XPO4: variants seen among roughly 807,000 people sequenced by gnomAD.
XPO4 encodes exportin 4.
A neutral mutation model predicts 143.0 loss-of-function variants in XPO4; 39 were observed. That is an observed-to-expected ratio of 0.27 (90% CI 0.21 to 0.36). The LOEUF (loss-of-function observed/expected upper bound fraction) is 0.36, where lower values mean the gene tolerates loss of function less well. XPO4 is among the 10% of genes least tolerant of loss of function. The probability of loss-of-function intolerance (pLI) is 1.00; values close to 1 mark genes in which losing one functional copy is unlikely to be tolerated. For missense variants in XPO4, 907 were observed against 1,348.0 expected (o/e 0.67, Z 5.12); for synonymous variants, 439 against 474.0 (o/e 0.93, Z 0.96).
intron 4 of XPO4, 36 bp downstream of exon 4, chr13:20,855,591 A>AT (rs1315728783): frequency 1.4e-6 from 2 of 1,462,504 alleles, no homozygotes; most frequent in East Asian, 5.1e-5. Flanking sequence ...GAAAATATAA[A>AT]TTGTTAATAT....
chr13:20,836,654 T>C (rs1276432678), intron 6 of XPO4, among the ~76,000 whole-genome samples: 51 of 152,210 alleles, frequency 3.4e-4, no homozygotes, highest in Non-Finnish European at 4.4e-5. Context: ...ATGATGGGTA[T>C]TTTTAAAGGC....
intron 6 of XPO4, among the ~76,000 whole-genome samples, chr13:20,842,020 CA>C (rs2059979788): frequency 6.6e-6 from 1 of 152,042 alleles, no homozygotes; most frequent in Non-Finnish European, 1.5e-5. Context: ...CTATTTAATT[CA>C]CGGAGGCTAT....
chr13:20,838,752 G>A (rs2059944289), intron 6 of XPO4, among the ~76,000 whole-genome samples: 1 of 151,960 alleles, frequency 6.6e-6, no homozygotes, highest in Non-Finnish European at 1.5e-5. Flanking sequence ...CTCCCAAAGA[G>A]AAATGAAACC....
chr13:20,892,335 G>A (rs917392793), intron 1 of XPO4, among the ~76,000 whole-genome samples: 2 of 152,154 alleles, frequency 1.3e-5, no homozygotes, highest in Non-Finnish European at 2.9e-5. Context: ...TGATCCACCC[G>A]CTTCAGCCTC....
intron 6 of XPO4, among the ~76,000 whole-genome samples, 178 bp from the exon 7 acceptor site, chr13:20,827,357 G>T (rs1462748202): frequency 6.6e-6 from 1 of 152,068 alleles, no homozygotes; most frequent in Non-Finnish European, 1.5e-5. Context: ...TAAGTGCCTG[G>T]GGAAAAAAAG....
chr13:20,879,048 A>G, intron 1 of XPO4: 1 of 947,702 alleles, frequency 1.1e-6, no homozygotes, highest in Non-Finnish European at 1.3e-6. Context: ...TCAAAAGCTA[A>G]AACAGAAGCG....
intron 4 of XPO4, chr13:20,848,509 G>A (rs1595127467): frequency 1.0e-6 from 1 of 985,290 alleles, no homozygotes; most frequent in Non-Finnish European, 1.2e-6. Flanking sequence ...GTTACAAGAA[G>A]GTAAAGTAGC....
At chr13:20,901,711 C>T (rs73437502) in intron 1 of XPO4, among the ~76,000 whole-genome samples, 5,764 of 152,124 alleles carry the variant, frequency 0.038, 376 homozygotes, top group African/African-American at 0.13. Flanking sequence ...GCTCAAACAC[C>T]CTAACACCAA....
chr13:20,842,806 G>A (rs2762995), intron 6 of XPO4, 89 bp downstream of exon 6: 1,192,302 of 1,194,124 alleles, frequency 1, 595,270 homozygotes, highest in East Asian at 1. Flanking sequence ...TATGTTTTAT[G>A]AAAGCTGCAG....
At chr13:20,810,817 A>G (rs2059572706) in intron 9 of XPO4, among the ~76,000 whole-genome samples, 1 of 152,238 alleles carries the variant, frequency 6.6e-6, no homozygotes, top group African/African-American at 2.4e-5. Context: ...AGATAGTCTC[A>G]GTGAAATTGT....
chr13:20,876,189 A>C (rs2060350311), intron 1 of XPO4, among the ~76,000 whole-genome samples: 1 of 150,760 alleles, frequency 6.6e-6, no homozygotes, highest in Non-Finnish European at 1.5e-5. Flanking sequence ...TTGAATCCGG[A>C]AGGCAGAGGT....
At chr13:20,900,617 C>T (rs1027940771) in intron 1 of XPO4, among the ~76,000 whole-genome samples, 20 of 144,598 alleles carry the variant, frequency 1.4e-4, no homozygotes, top group African/African-American at 4.8e-4. Flanking sequence ...AAGTCATTTC[C>T]TTTTTTTTTT....
chr13:20,874,626 C>T (rs964617858), intron 1 of XPO4, among the ~76,000 whole-genome samples: 4 of 152,162 alleles, frequency 2.6e-5, no homozygotes, highest in Non-Finnish European at 4.4e-5. Context: ...CAGGATAACA[C>T]GGCTAGAAGG....
chr13:20,792,170 AT>A (rs1332982773), intron 18 of XPO4, among the ~76,000 whole-genome samples: 1 of 152,180 alleles, frequency 6.6e-6, no homozygotes, highest in Non-Finnish European at 1.5e-5. Flanking sequence ...ACGTTAAAGA[AT>A]GTCAAGGCCA....
At chr13:20,811,683 G>T (rs2059584014) in intron 9 of XPO4, among the ~76,000 whole-genome samples, 1 of 152,066 alleles carries the variant, frequency 6.6e-6, no homozygotes, top group Non-Finnish European at 1.5e-5. Flanking sequence ...AGCCAAACTG[G>T]GTACAGATTT....
At chr13:20,859,295 T>C (rs569304924) in intron 3 of XPO4, among the ~76,000 whole-genome samples, 5 of 151,066 alleles carry the variant, frequency 3.3e-5, no homozygotes, top group Non-Finnish European at 7.4e-5. Context: ...GCTGAAACCA[T>C]CTCTACTAAA....
chr13:20,792,097 C>T (rs1163203841), intron 18 of XPO4, among the ~76,000 whole-genome samples: 2 of 152,156 alleles, frequency 1.3e-5, no homozygotes, highest in Non-Finnish European at 2.9e-5. Context: ...ATCATGGGCT[C>T]CAAGAGGGCT....
rs57331137 is a variant in XPO4, at chr13:20,785,976, G to GAGGAAGGAAGGAAGGA, written c.3258+973_3258+988dup. 3.5e-3 allele frequency among the ~76,000 whole-genome samples: 492 copies of GAGGAAGGAAGGAAGGA among 142,024 alleles called. 2 individuals are homozygous for GAGGAAGGAAGGAAGGA. Among genetic ancestry groups the GAGGAAGGAAGGAAGGA allele is most frequent in the African/African-American group, 0.012 (458 of 37,958 alleles). 93.2% of individuals were successfully genotyped at this position (142,024 alleles called of 152,430 possible). A position where few individuals can be genotyped will look rare whatever the true frequency, so the allele number is the denominator to read the frequency against. ...AGATAGAAAAAAGAAAAGAAAAAGA[G>GAGGAAGGAAGGAAGGA]AGGAAGGAAGGAAGGAAGGAAGGAA... is the stretch of plus-strand genomic sequence containing the variant. On this transcript the variant is annotated intron_variant, in intron 22 of 22. Coordinates refer to ENST00000255305, the MANE Select transcript of XPO4 (RefSeq NM_022459.5).
Position 20,809,955 on chromosome 13 carries a change from C to A in XPO4, c.1186G>T (p.Asp396Tyr). 6.2e-7 allele frequency: 1 copy of A among 1,604,068 alleles called. No individual in the cohort carries two copies. Among genetic ancestry groups the A allele is most frequent in the South Asian group, 1.1e-5 (1 of 89,390 alleles). Reference sequence around the variant, plus strand: ...TCATATGCTTCCATGTATACCATGTCATCTTTATCAAGCTAAAAGAAAAGA... The same window carrying A: ...TCATATGCTTCCATGTATACCATGTAATCTTTATCAAGCTAAAAGAAAAGA... ...AALEEVLDKD[D>Y]MVYMEAYDKL... is the part of the protein sequence containing the mutation. The change falls in exon 10 of 23, where the codon GAC (aspartate) becomes TAC (tyrosine). Residue 396 changes from aspartate to tyrosine, a missense_variant. By Grantham distance (160) the Asp-to-Tyr change is radical. Coordinates refer to ENST00000255305, the MANE Select transcript of XPO4 (RefSeq NM_022459.5).
Sources: allele counts gnomAD v4.1 joint callset (sites outside exome capture counted in the v4.1 genomes callset), GRCh38; gene constraint gnomAD v4.1.1; transcripts MANE v1.5; gene names NCBI Gene and HGNC (gene_info 2026-07-23, HGNC 2026-07-21).